Variants in VEZT observed in about 807,000 individuals in gnomAD.
VEZT encodes the protein vezatin, adherens junctions transmembrane protein.
A neutral mutation model predicts 79.9 loss-of-function variants in VEZT; 39 were observed. The observed-to-expected ratio is 0.49, with a 90% confidence interval of 0.38 to 0.64. VEZT has a LOEUF of 0.64. VEZT is among the 30% of genes least tolerant of loss of function. The pLI is 0.00. For synonymous variants in VEZT, 325 were observed against 327.6 expected (o/e 0.99, Z 0.09); for missense variants, 837 against 893.1 (o/e 0.94, Z 0.80).
At chr12:95,239,949 AGAGAG>A (rs2060680624) in intron 1 of VEZT, among the ~76,000 whole-genome samples, 1 of 2,174 alleles carries the variant, frequency 4.6e-4, no homozygotes, top group African/African-American at 3.8e-3. Flanking sequence ...GAGACTCGAA[AGAGAG>A]AGAGAGAGAG....
chr12:95,251,974 G>C lies in VEZT; in HGVS notation c.71G>C (p.Gly24Ala). ...CTTTACCAATACTTACAGGATCTGG[G>C]ACACACAGACTTTGAAATATGTTCT... Reference protein sequence around the residue: ...SPLYQYLQDLGHTDFEICSSL... With the variant: ...SPLYQYLQDLAHTDFEICSSL... The change falls in exon 2 of 12, where the codon GGA becomes GCA. Residue 24 changes from glycine to alanine, a missense_variant. By Grantham distance (60) the Gly-to-Ala change is moderately conservative. Transcript: ENST00000436874. 6.2e-7 allele frequency: 1 copy of C among 1,611,880 alleles called. No homozygotes were observed. The highest frequency in any genetic ancestry group is 8.5e-7 in the Non-Finnish European group (1 of 1,178,968).
intron 6 of VEZT, among the ~76,000 whole-genome samples, chr12:95,272,886 C>G (rs1391433949): frequency 3.9e-5 from 6 of 152,066 alleles, no homozygotes; most frequent in African/African-American, 1.4e-4. Context: ...GTAGCTGGAA[C>G]CAAGGCACAC....
In VEZT at chr12:95,270,942, GCCACTT is replaced by G. The variant is rs2066470480; in HGVS notation, c.848+756_848+761del. ...AAGTAGAAGGTAAAAAGACAACTTT[GCCACTT>G]CAGAATGCTGGGTATTGTAGCACTG... On this transcript the variant is annotated intron_variant, in intron 6 of 11. Transcript: ENST00000436874. 5.9e-5 allele frequency among the ~76,000 whole-genome samples: 9 copies of G among 152,300 alleles called. No individual in the cohort carries two copies. The South Asian group carries it at 1.9e-3, about 32-fold the overall frequency.
intron 2 of VEZT, among the ~76,000 whole-genome samples, chr12:95,253,601 G>C (rs1300323766): frequency 6.6e-6 from 1 of 152,190 alleles, no homozygotes; most frequent in Admixed American, 6.5e-5. Context: ...TAGTCTTAGA[G>C]CAGCAGATGG....
intron 9 of VEZT, among the ~76,000 whole-genome samples, chr12:95,292,838 T>C (rs1297504436): frequency 6.9e-6 from 1 of 144,996 alleles, no homozygotes. Flanking sequence ...TGAGCCACTG[T>C]ACCTGGCCCT....
intron 6 of VEZT, among the ~76,000 whole-genome samples, chr12:95,273,115 GA>G (rs1394316689): frequency 6.6e-6 from 1 of 152,036 alleles, no homozygotes; most frequent in Non-Finnish European, 1.5e-5. Context: ...ATAGGATAAA[GA>G]ATACTCAATT....
intron 1 of VEZT, among the ~76,000 whole-genome samples, chr12:95,221,172 G>A (rs571340728): frequency 6.6e-6 from 1 of 152,280 alleles, no homozygotes; most frequent in Admixed American, 6.5e-5. Flanking sequence ...TTTCTATTGG[G>A]TTGTTTCTTT....
In VEZT at chr12:95,294,267, T is replaced by C. The variant is rs1391325025; in HGVS notation, c.1523-5T>C. 6.3e-7 allele frequency: 1 copy of C among 1,576,382 alleles called. No individual in the cohort carries two copies. Among genetic ancestry groups the C allele is most frequent in the South Asian group, 1.2e-5 (1 of 85,504 alleles). On this transcript the variant is annotated splice_region_variant and splice_polypyrimidine_tract_variant and intron_variant, in intron 9 of 11. Transcript: ENST00000436874. ...TTTATTCCCATCTATTCCCGTTTTT[T>C]AAAGGCAAGCCTGAAATAGCATGTG...
At chr12:95,220,717 T>G (rs990493484) in intron 1 of VEZT, among the ~76,000 whole-genome samples, 3 of 152,256 alleles carry the variant, frequency 2.0e-5, no homozygotes, top group Non-Finnish European at 2.9e-5. Context: ...TTTGGCATAG[T>G]ATTCCATGTG....
chr12:95,274,594 T>G (rs1352607357), intron 6 of VEZT, 148 bp from the exon 7 acceptor site: 1 of 703,832 alleles, frequency 1.4e-6, no homozygotes, highest in African/African-American at 1.8e-5. Flanking sequence ...TATTAGATAC[T>G]TAAAATTAAT....
intron 1 of VEZT, among the ~76,000 whole-genome samples, chr12:95,238,178 G>A (rs1161633849): frequency 6.6e-6 from 1 of 152,080 alleles, no homozygotes; most frequent in Non-Finnish European, 1.5e-5. Context: ...TAAAAGTATG[G>A]GCTTTGGAAT....
Position 95,268,437 on chromosome 12 carries a change from G to T in VEZT, c.711-1614G>T, listed in dbSNP as rs1031202649. Among the ~76,000 whole-genome samples, 3 of 152,182 alleles carry T rather than the reference G, an allele frequency of 2.0e-5. No homozygotes were observed. In the East Asian group the frequency reaches 5.8e-4, roughly 29 times the overall value. The stretch of plus-strand genomic sequence containing the variant: ...GGCATGAACCCGGGAGGCAGAGCTT[G>T]CAGTGAGCCGAGATCGCGCTACTGC... On this transcript the variant is annotated intron_variant, in intron 5 of 11. Coordinates refer to ENST00000436874, the MANE Select transcript of VEZT (RefSeq NM_017599.4).
At chr12:95,293,616 TGAA>T (rs1025364687) in intron 9 of VEZT, 1 of 152,208 alleles carries the variant, frequency 6.6e-6, no homozygotes, top group Non-Finnish European at 1.5e-5. Context: ...TTGTATTTTG[TGAA>T]GAAGAGTGAT....
chr12:95,232,407 C>T (rs1300999813), intron 1 of VEZT, among the ~76,000 whole-genome samples: 2 of 152,156 alleles, frequency 1.3e-5, no homozygotes, highest in Non-Finnish European at 2.9e-5. Context: ...GGAAAAGTTA[C>T]GTATAACTTG....
chr12:95,230,712 T>C (rs776672245), intron 1 of VEZT, among the ~76,000 whole-genome samples: 23 of 152,298 alleles, frequency 1.5e-4, no homozygotes, highest in Non-Finnish European at 2.9e-4. Flanking sequence ...TTGTGTTTGA[T>C]CTTCTGGCCT....
At position 95,259,381 on chromosome 12, in the gene VEZT, G is replaced by T. The variant is rs1481350012; in HGVS notation, c.258+2142G>T. ...GCTTTTCTTTATTGTTTCAGTTATT[G>T]CATAGATAGTGACAACAGTAATAGC... On this transcript the variant is annotated intron_variant, in intron 3 of 11. Transcript: ENST00000436874. Among the ~76,000 whole-genome samples, 3 of 152,116 alleles carry T rather than the reference G, an allele frequency of 2.0e-5. No homozygotes were observed. In the East Asian group the frequency reaches 5.8e-4, roughly 29 times the overall value.
At chr12:95,220,635 T>G (rs1026959701) in intron 1 of VEZT, among the ~76,000 whole-genome samples, 4 of 152,182 alleles carry the variant, frequency 2.6e-5, no homozygotes, top group African/African-American at 9.7e-5. Context: ...ACTCTCTTAT[T>G]TCTGACTTTT....
chr12:95,260,268 G>A (rs1191981653), intron 3 of VEZT, among the ~76,000 whole-genome samples: 1 of 151,930 alleles, frequency 6.6e-6, no homozygotes, highest in Non-Finnish European at 1.5e-5. Flanking sequence ...ACCAAACCTG[G>A]CTAATATCTG....
chr12:95,279,407 T>C (rs2068497429), intron 7 of VEZT, among the ~76,000 whole-genome samples: 2 of 152,234 alleles, frequency 1.3e-5, no homozygotes, highest in South Asian at 4.1e-4. Context: ...TGAAGTCATC[T>C]GTTTCCTGCT....
Sources: allele counts gnomAD v4.1 joint callset (sites outside exome capture counted in the v4.1 genomes callset), GRCh38; gene constraint gnomAD v4.1.1; transcripts MANE v1.5; gene names NCBI Gene and HGNC (gene_info 2026-07-23, HGNC 2026-07-21).